The following JMJD1C variants were observed in gnomAD, a reference collection of about 807,000 sequenced individuals.
JMJD1C encodes the protein jumonji domain containing 1C.
A neutral mutation model predicts 245.3 loss-of-function variants in JMJD1C; 31 were observed. The observed-to-expected ratio is 0.13, with a 90% CI of 0.09 to 0.17. The LOEUF (loss-of-function observed/expected upper bound fraction) is 0.17. Ranked by LOEUF, JMJD1C falls within the 10% of genes least tolerant of loss-of-function variation. JMJD1C has a pLI of 1.00. For synonymous variants in JMJD1C, 1,057 were observed against 1,017.4 expected (o/e 1.04, Z -0.74); for missense variants, 2,691 against 3,000.2 (o/e 0.90, Z 2.41).
intron 22 of JMJD1C, 64 bp downstream of exon 22, chr10:63,183,383 A>G: frequency 1.4e-6 from 2 of 1,418,094 alleles, no homozygotes; most frequent in South Asian, 2.6e-5. Flanking sequence ...GATATTCTGG[A>G]CAATACTAGT....
intron 2 of JMJD1C, among the ~76,000 whole-genome samples, chr10:63,343,372 A>G (rs1262504781): frequency 6.7e-6 from 1 of 148,326 alleles, no homozygotes; most frequent in Non-Finnish European, 1.5e-5. Flanking sequence ...ATCTCAAAAA[A>G]AAAACAAAAA....
At chr10:63,291,053 T>C (rs1858615726) in intron 2 of JMJD1C, among the ~76,000 whole-genome samples, 1 of 152,050 alleles carries the variant, frequency 6.6e-6, no homozygotes, top group African/African-American at 2.4e-5. Context: ...ACATTTCTAA[T>C]CCCAGCACTT....
intron 2 of JMJD1C, among the ~76,000 whole-genome samples, chr10:63,277,117 G>A (rs1589366144): frequency 6.6e-6 from 1 of 151,714 alleles, no homozygotes; most frequent in South Asian, 2.1e-4. Context: ...TCCTGACCTC[G>A]TGATCCGCCC....
At chr10:63,196,266 A>C in intron 13 of JMJD1C, among the ~76,000 whole-genome samples, 1 of 152,250 alleles carries the variant, frequency 6.6e-6, no homozygotes, top group South Asian at 2.1e-4. Context: ...CAAAAAAAAA[A>C]GAAAAAGAAA....
chr10:63,168,370 T>C (rs931988125), intron 25 of JMJD1C, 65 bp downstream of exon 25: 27 of 1,500,002 alleles, frequency 1.8e-5, no homozygotes, highest in Admixed American at 6.3e-5. Flanking sequence ...TAAGCTGTTA[T>C]ACATGTATCA....
intron 1 of JMJD1C, among the ~76,000 whole-genome samples, chr10:63,497,219 T>C (rs1424438844): frequency 1.3e-5 from 2 of 152,038 alleles, no homozygotes; most frequent in Non-Finnish European, 2.9e-5. Flanking sequence ...GCTACAAATA[T>C]TTGTACATAT....
intron 1 of JMJD1C, among the ~76,000 whole-genome samples, chr10:63,440,340 G>GAAAAA (rs199670163): frequency 5.6e-5 from 5 of 89,746 alleles, no homozygotes; most frequent in African/African-American, 1.8e-4. Flanking sequence ...TGTCTCAAAA[G>GAAAAA]AAAAAAAAAA....
intron 2 of JMJD1C, among the ~76,000 whole-genome samples, chr10:63,356,571 A>AT (rs1242516559): frequency 2.0e-5 from 3 of 152,206 alleles, no homozygotes; most frequent in Non-Finnish European, 4.4e-5. Flanking sequence ...GTTATTTTTC[A>AT]TTGTTCATCC....
chr10:63,204,383 A>G (rs947376775), intron 10 of JMJD1C: 7 of 985,040 alleles, frequency 7.1e-6, no homozygotes, highest in Non-Finnish European at 8.4e-6. Flanking sequence ...GTGAATATGT[A>G]TATTCGTCTC....
chr10:63,501,755 A>G lies in JMJD1C; in HGVS notation n.113+19983T>C, dbSNP rs542197710. Among the ~76,000 whole-genome samples the G allele has an allele frequency of 2.6e-5, 4 of 152,250 alleles. No homozygotes were observed. In the East Asian group the frequency reaches 7.7e-4, roughly 29 times the overall value. ...CGCGCCACTGCACTCCAGCCTGGAC[A>G]ACAGAGTGAGTCTCCATCTCAAAAA... On this transcript the variant is annotated intron_variant and non_coding_transcript_variant, in intron 1 of 3. Transcript: ENST00000633035.
chr10:63,405,154 T>C (rs1268102488), intron 1 of JMJD1C, among the ~76,000 whole-genome samples: 1 of 152,190 alleles, frequency 6.6e-6, no homozygotes, highest in Non-Finnish European at 1.5e-5. Context: ...ACTTCATTTT[T>C]AGCACCTCAA....
At chr10:63,196,647 G>A (rs181874976) in intron 13 of JMJD1C, among the ~76,000 whole-genome samples, 24 of 152,334 alleles carry the variant, frequency 1.6e-4, no homozygotes, top group African/African-American at 5.5e-4. Context: ...CTTTGAGACA[G>A]ACAATCTATA....
intron 2 of JMJD1C, among the ~76,000 whole-genome samples, chr10:63,352,574 T>C (rs2134297911): frequency 6.8e-6 from 1 of 146,806 alleles, no homozygotes; most frequent in South Asian, 2.2e-4. Context: ...GGAGGTGGAG[T>C]TTGCAGTGGG....
chr10:63,186,479 C>A, intron 18 of JMJD1C, 96 bp from the exon 19 acceptor site: 8 of 1,040,444 alleles, frequency 7.7e-6, no homozygotes, highest in Non-Finnish European at 1.1e-5. Flanking sequence ...TGCTCTCTTA[C>A]CCAGGCTGGA....
At chr10:63,219,826 G>T (rs1848405490) in intron 4 of JMJD1C, 52 bp downstream of exon 4, 4 of 1,257,518 alleles carry the variant, frequency 3.2e-6, no homozygotes, top group East Asian at 2.3e-5. Context: ...AAACAAATAT[G>T]ATAAGTTGCC....
At chr10:63,188,472 T>C (rs940117329) in intron 18 of JMJD1C, among the ~76,000 whole-genome samples, 1 of 152,230 alleles carries the variant, frequency 6.6e-6, no homozygotes, top group African/African-American at 2.4e-5. Flanking sequence ...TTATATATTC[T>C]TACTGCCTAT....
At chr10:63,254,152 A>G (rs4469770) in intron 3 of JMJD1C, among the ~76,000 whole-genome samples, 95,156 of 151,806 alleles carry the variant, frequency 0.63, 32,582 homozygotes, top group Non-Finnish European at 0.78. Flanking sequence ...AGCTTTGAGC[A>G]AATCTAGGTA....
intron 2 of JMJD1C, among the ~76,000 whole-genome samples, chr10:63,338,123 T>C (rs934607633): frequency 2.6e-5 from 4 of 152,182 alleles, no homozygotes; most frequent in Admixed American, 2.0e-4. Context: ...TGGAGCTCTT[T>C]AGAGTAAATC....
At chr10:63,205,008 G>C in intron 10 of JMJD1C, 5 of 985,368 alleles carry the variant, frequency 5.1e-6, no homozygotes, top group Non-Finnish European at 6.0e-6. Flanking sequence ...GTGAAACTAA[G>C]TGCTTTCTGC....
Sources: allele counts gnomAD v4.1 joint callset (sites outside exome capture counted in the v4.1 genomes callset), GRCh38; gene constraint gnomAD v4.1.1; transcripts MANE v1.5; gene names NCBI Gene and HGNC (gene_info 2026-07-23, HGNC 2026-07-21).